The following SCGN variants were observed in gnomAD, a reference collection of about 807,000 sequenced individuals.
SCGN encodes secretagogin.
In SCGN, 30 loss-of-function variants were observed where a neutral mutation model predicts 39.7. The ratio of observed to expected loss-of-function variants is 0.76; its 90% CI spans 0.57 to 1.03. The LOEUF (loss-of-function observed/expected upper bound fraction) is 1.03, where lower values mean the gene tolerates loss of function less well. Ranked by LOEUF, SCGN falls within the 50% of genes least tolerant of loss-of-function variation. The pLI, the probability that SCGN is intolerant of heterozygous loss-of-function variation, is 0.00. For missense variants in SCGN, 353 were observed against 349.4 expected (o/e 1.01, Z -0.08); for synonymous variants, 106 against 114.1 (o/e 0.93, Z 0.45).
In SCGN at chr6:25,653,562, G is replaced by A. The variant is rs781316403; in HGVS notation, c.153+110G>A. ...TTCCAACTCACCTCCTTTCTTCCTT[G>A]CATGTATGTAATTTCTCCCCCTCTC... On this transcript the variant is annotated intron_variant, in intron 2 of 10. Coordinates refer to ENST00000377961, the MANE Select transcript of SCGN (RefSeq NM_006998.4). 6.5e-4 allele frequency: 496 copies of A among 763,232 alleles called. 2 individuals carry two copies. The highest frequency in any genetic ancestry group is 5.6e-3 in the Middle Eastern group (24 of 4,298). 47.3% of individuals were successfully genotyped at this position (763,232 alleles called of 1,614,324 possible).
chr6:25,663,961 C>A (rs1760385514), intron 3 of SCGN, among the ~76,000 whole-genome samples: 4 of 152,088 alleles, frequency 2.6e-5, no homozygotes, highest in Admixed American at 1.3e-4. Context: ...AGACACTGAG[C>A]AAACTACTCA....
intron 7 of SCGN, 150 bp downstream of exon 7, chr6:25,682,156 A>G (rs1759644902): frequency 3.2e-6 from 2 of 626,768 alleles, no homozygotes; most frequent in Non-Finnish European, 5.7e-6. Context: ...GTGATTCTAA[A>G]TCTTTTAGGG....
intron 2 of SCGN, among the ~76,000 whole-genome samples, chr6:25,657,293 T>C (rs139449079): frequency 3.1e-3 from 477 of 152,218 alleles, no homozygotes; most frequent in Non-Finnish European, 6.1e-3. Flanking sequence ...AGGACAACTA[T>C]GTGTGGAGGC....
chr6:25,658,713 C>T (rs189574843), intron 2 of SCGN, among the ~76,000 whole-genome samples: 5 of 152,264 alleles, frequency 3.3e-5, no homozygotes, highest in African/African-American at 1.2e-4. Flanking sequence ...TATTTATTAT[C>T]CATTTGGGAA....
At chr6:25,691,021 C>T (rs748466424) in intron 9 of SCGN, 35 bp from the exon 10 acceptor site, 12 of 1,574,456 alleles carry the variant, frequency 7.6e-6, no homozygotes, top group Non-Finnish European at 9.6e-6. Context: ...GCTTAAGAAA[C>T]TGATATTTGG....
intron 10 of SCGN, among the ~76,000 whole-genome samples, chr6:25,691,771 G>A (rs903419825): frequency 6.6e-6 from 1 of 152,100 alleles, no homozygotes; most frequent in East Asian, 1.9e-4. Flanking sequence ...GAATTTAGTA[G>A]TCTTGTATCC....
chr6:25,669,047 C>T (rs1291359721), intron 4 of SCGN, among the ~76,000 whole-genome samples: 1 of 149,640 alleles, frequency 6.7e-6, no homozygotes, highest in Non-Finnish European at 1.5e-5. Context: ...GGAGGCGGAG[C>T]TTGCAGTGAG....
chr6:25,672,536 G>A (rs1282806212), intron 6 of SCGN, among the ~76,000 whole-genome samples: 6 of 152,176 alleles, frequency 3.9e-5, no homozygotes, highest in Admixed American at 3.9e-4. Flanking sequence ...GGGTACAGGA[G>A]GCACAAGGCC....
chr6:25,688,801 CA>C (rs10626691), intron 7 of SCGN, among the ~76,000 whole-genome samples: 152 of 102,986 alleles, frequency 1.5e-3, no homozygotes, highest in Middle Eastern at 5.0e-3. Context: ...GATTCTGTCT[CA>C]AAAAAAAAAA....
chr6:25,701,433 C>A lies in SCGN; in HGVS notation c.*98C>A. 1 of 1,468,194 alleles carries A rather than the reference C, an allele frequency of 6.8e-7. No individual in the cohort carries two copies. Among genetic ancestry groups the A allele is most frequent in the Non-Finnish European group, 9.2e-7 (1 of 1,081,576 alleles). 90.9% of individuals were successfully genotyped at this position (1,468,194 alleles called of 1,614,324 possible). On this transcript the variant is annotated 3_prime_UTR_variant, in exon 11 of 11. Coordinates refer to ENST00000377961, the MANE Select transcript of SCGN (RefSeq NM_006998.4). The stretch of plus-strand genomic sequence containing the variant: ...ATGTTGGGAACACAGTGGGCAAACT[C>A]ACAAATGGTGTGCTATTCTTGGGCA...
intron 7 of SCGN, among the ~76,000 whole-genome samples, chr6:25,683,644 A>AT (rs1333976297): frequency 6.6e-6 from 1 of 152,250 alleles, no homozygotes; most frequent in African/African-American, 2.4e-5. Context: ...AAGTGCTTGC[A>AT]TACAATCATA....
chr6:25,681,761 C>T lies in SCGN; in HGVS notation c.472-190C>T, dbSNP rs185799920. On this transcript the variant is annotated intron_variant, in intron 6 of 10. Transcript: ENST00000377961. ...TGAGATTTAGGAGATTTGGTTACTA[C>T]GACTCATCCTAACAGAGAGGCTGAC... 2.8e-4 allele frequency among the ~76,000 whole-genome samples: 43 copies of T among 152,284 alleles called. No homozygotes were observed. In the East Asian group the frequency reaches 4.6e-3, roughly 16 times the overall value.
intron 2 of SCGN, among the ~76,000 whole-genome samples, chr6:25,655,274 A>G (rs1458857474): frequency 3.3e-5 from 5 of 152,172 alleles, no homozygotes; most frequent in Non-Finnish European, 7.3e-5. Flanking sequence ...TATAAAAGGG[A>G]GGAGAAAAAT....
Position 25,689,222 on chromosome 6 carries a change from G to A in SCGN, c.573+5G>A. 1 of 1,586,158 alleles carries A rather than the reference G, an allele frequency of 6.3e-7. No homozygotes were observed. The highest frequency in any genetic ancestry group is 8.6e-7 in the Non-Finnish European group (1 of 1,158,504). ...CTTCTCCAATTTAAAATGGATGTAAGTAGTGACATTTCTCTAGATGGGTTT... is the reference window on the plus strand; with the variant it reads ...CTTCTCCAATTTAAAATGGATGTAAATAGTGACATTTCTCTAGATGGGTTT... On this transcript the variant is annotated splice_donor_5th_base_variant and intron_variant, in intron 8 of 10. Transcript: ENST00000377961.
At position 25,699,782 on chromosome 6, in the gene SCGN, G is replaced by A. The variant is rs180985058; in HGVS notation, c.703-1425G>A. 7.1e-3 allele frequency among the ~76,000 whole-genome samples: 1,083 copies of A among 152,154 alleles called. 10 individuals are homozygous for A. Among genetic ancestry groups the A allele is most frequent in the African/African-American group, 0.019 (770 of 41,518 alleles). ...AGTTCTGATTGGTTATTGGAGCCAA[G>A]TTCTGATTGGTCAATAGAGCTGAGT... On this transcript the variant is annotated intron_variant, in intron 10 of 10. Coordinates refer to ENST00000377961, the MANE Select transcript of SCGN (RefSeq NM_006998.4).
At chr6:25,654,815 C>A (rs1760198939) in intron 2 of SCGN, among the ~76,000 whole-genome samples, 1 of 152,144 alleles carries the variant, frequency 6.6e-6, no homozygotes, top group Non-Finnish European at 1.5e-5. Flanking sequence ...GCACTCCACC[C>A]CTTACCCTGT....
intron 10 of SCGN, among the ~76,000 whole-genome samples, chr6:25,691,485 C>A (rs1489135478): frequency 6.6e-6 from 1 of 152,120 alleles, no homozygotes; most frequent in Non-Finnish European, 1.5e-5. Context: ...AATTGAATTT[C>A]ACGTAATAAA....
At chr6:25,693,043 G>A (rs985673475) in intron 10 of SCGN, among the ~76,000 whole-genome samples, 2 of 152,170 alleles carry the variant, frequency 1.3e-5, no homozygotes, top group South Asian at 2.1e-4. Flanking sequence ...TCCATTATAT[G>A]GGCACAACAA....
intron 7 of SCGN, 113 bp from the exon 8 acceptor site, chr6:25,689,059 C>T: frequency 1.5e-5 from 10 of 646,522 alleles, no homozygotes; most frequent in Non-Finnish European, 2.7e-6. Flanking sequence ...CTTTCAAGTA[C>T]CTATTCTGTT....
Sources: gnomAD v4.1 joint callset for allele counts (sites outside exome capture counted in the v4.1 genomes callset) on GRCh38, gnomAD v4.1.1 for gene constraint, MANE v1.5 for transcripts, NCBI Gene and HGNC (gene_info 2026-07-23, HGNC 2026-07-21) for gene names.